NRDE2: variants seen among roughly 807,000 people sequenced by gnomAD.
NRDE2 encodes the protein NRDE-2, necessary for RNA interference, domain containing.
NRDE2 carries 76 observed loss-of-function variants against 124.2 expected under a neutral mutation model. That is an observed-to-expected ratio of 0.61 (90% CI 0.51 to 0.74). NRDE2 has a LOEUF of 0.74. Among genes scored for constraint, NRDE2 ranks in the 30% least tolerant of loss-of-function variants. The probability of loss-of-function intolerance (pLI) is 0.00; values close to 1 mark genes in which losing one functional copy is unlikely to be tolerated. For synonymous variants in NRDE2, 489 were observed against 528.1 expected, an observed-to-expected ratio of 0.93 and a Z score of 1.01; for missense variants, 1,314 against 1,417.3, an observed-to-expected ratio of 0.93 and a Z score of 1.17.
At position 90,271,077 on chromosome 14, in the gene NRDE2, T is replaced by TG. The variant is rs1164894795; in HGVS notation, c.*7258_*7259insC. 6.7e-6 allele frequency: 1 copy of TG among 149,392 alleles called. No individual in the cohort carries two copies. 9.3% of individuals were successfully genotyped at this position (149,392 alleles called of 1,614,324 possible). ...ATCTTAAAATTTTAAGATAAGAACT[T>TG]ACTTTGACAATTTTCAAGCCTTCAA... On this transcript the variant is annotated 3_prime_UTR_variant, in exon 14 of 14. Coordinates refer to ENST00000354366, the MANE Select transcript of NRDE2 (RefSeq NM_017970.4).
intron 12 of NRDE2, among the ~76,000 whole-genome samples, chr14:90,285,805 T>G (rs2139670716): frequency 6.6e-6 from 1 of 152,122 alleles, no homozygotes; most frequent in East Asian, 1.9e-4. Context: ...AGCTAATGTT[T>G]TAATTTTTTT....
intron 1 of NRDE2, among the ~76,000 whole-genome samples, chr14:90,321,513 C>T (rs959479131): frequency 5.9e-5 from 8 of 136,152 alleles, no homozygotes; most frequent in African/African-American, 2.2e-4. Context: ...GGAGTTCAAA[C>T]GAGCCTGGGC....
chr14:90,278,319 C>G lies in NRDE2; in HGVS notation c.*17G>C. The G allele has an allele frequency of 6.2e-7, 1 of 1,613,980 alleles. No homozygotes were observed. The highest frequency in any genetic ancestry group is 8.5e-7 in the Non-Finnish European group (1 of 1,179,942). ...GCAACTTGGCCTCGCAGGCACAGCC[C>G]GTTTTCCCGCTGCTCTCTAATCCTC... is the stretch of plus-strand genomic sequence containing the variant. On this transcript the variant is annotated 3_prime_UTR_variant, in exon 14 of 14. Coordinates refer to ENST00000354366, the MANE Select transcript of NRDE2 (RefSeq NM_017970.4).
At chr14:90,296,739 C>G (rs1884173242) in intron 8 of NRDE2, among the ~76,000 whole-genome samples, 1 of 152,142 alleles carries the variant, frequency 6.6e-6, no homozygotes, top group Admixed American at 6.5e-5. Flanking sequence ...GCAGATCTCT[C>G]TCTATGCTGG....
At chr14:90,306,892 T>C (rs1355429712) in intron 4 of NRDE2, among the ~76,000 whole-genome samples, 1 of 152,214 alleles carries the variant, frequency 6.6e-6, no homozygotes, top group Non-Finnish European at 1.5e-5. Context: ...AAAAGCTAGT[T>C]TTGTTCTCCT....
At chr14:90,322,786 G>A (rs1182404316) in intron 1 of NRDE2, among the ~76,000 whole-genome samples, 1 of 152,160 alleles carries the variant, frequency 6.6e-6, no homozygotes, top group Admixed American at 6.5e-5. Context: ...ACAGAATTCT[G>A]GAGAGAGTTA....
At chr14:90,306,692 C>T (rs570954099) in intron 4 of NRDE2, among the ~76,000 whole-genome samples, 2 of 152,060 alleles carry the variant, frequency 1.3e-5, no homozygotes, top group Non-Finnish European at 2.9e-5. Context: ...CGACTGTAAT[C>T]CCAGCTACTT....
In NRDE2 at chr14:90,319,609, T is replaced by C. The variant is rs143697980; in HGVS notation, c.65-1496A>G. 3.3e-5 allele frequency among the ~76,000 whole-genome samples: 5 copies of C among 152,328 alleles called. No homozygotes were observed. In the East Asian group the frequency reaches 7.7e-4, roughly 23 times the overall value. ...AAGCTCATATAATATACGTGGTCTTTTGTAACTTACCACAATGTTTTCAAG... is the reference window on the plus strand; with the variant it reads ...AAGCTCATATAATATACGTGGTCTTCTGTAACTTACCACAATGTTTTCAAG... On this transcript the variant is annotated intron_variant, in intron 1 of 13. Coordinates refer to ENST00000354366, the MANE Select transcript of NRDE2 (RefSeq NM_017970.4).
chr14:90,295,733 T>C (rs1884121120), intron 8 of NRDE2, among the ~76,000 whole-genome samples: 1 of 152,222 alleles, frequency 6.6e-6, no homozygotes, highest in Non-Finnish European at 1.5e-5. Context: ...TAAGAGAAGT[T>C]AAAAATAAAA....
intron 9 of NRDE2, 24 bp from the exon 10 acceptor site, chr14:90,290,631 G>C: frequency 1.3e-6 from 2 of 1,575,740 alleles, no homozygotes; most frequent in Non-Finnish European, 1.7e-6. Context: ...AAAATAAAGC[G>C]ACCCATGTAA....
intron 6 of NRDE2, among the ~76,000 whole-genome samples, chr14:90,302,180 G>A (rs568923994): frequency 6.6e-6 from 1 of 152,284 alleles, no homozygotes; most frequent in East Asian, 1.9e-4. Context: ...GAGAGCCAGT[G>A]AAGGGCAAAC....
In NRDE2 at chr14:90,288,667, A is replaced by C; in HGVS notation, c.2708T>G (p.Leu903Arg). The stretch of plus-strand genomic sequence containing the variant: ...CATGAAGCATTTAGCCAGGCTAATT[A>C]GGCGGCTACAGGAATCGGTGGGAGC... The part of the protein sequence containing the change: ...NPAPTDSCSR[L>R]ISLAKCFMLF... Residue 903 changes from leucine (L) to arginine (R), a missense_variant, in exon 11 of 14, where the codon CTA becomes CGA. Leu to Arg is a moderately radical substitution (Grantham distance 102). Coordinates refer to ENST00000354366, the MANE Select transcript of NRDE2 (RefSeq NM_017970.4). The C allele has an allele frequency of 6.2e-7, 1 of 1,614,188 alleles. No individual in the cohort carries two copies. Among genetic ancestry groups the C allele is most frequent in the Non-Finnish European group, 8.5e-7 (1 of 1,180,034 alleles).
rs768706611 is a variant in NRDE2, at chr14:90,331,913, G to A, written c.-9C>T. 3 of 1,614,078 alleles carry A rather than the reference G, an allele frequency of 1.9e-6. No individual in the cohort carries two copies. The highest frequency in any genetic ancestry group is 1.6e-4 in the Middle Eastern group (1 of 6,062). On this transcript the variant is annotated 5_prime_UTR_variant, in exon 1 of 14. Transcript: ENST00000354366. ...GCTGGGAACAGCGCCATGACCACAGGCCGTACCTCCGTTCTTCTCTATAGG... is the reference window on the plus strand; with the variant it reads ...GCTGGGAACAGCGCCATGACCACAGACCGTACCTCCGTTCTTCTCTATAGG...
At chr14:90,330,033 C>T (rs1035152640) in intron 1 of NRDE2, among the ~76,000 whole-genome samples, 114 of 150,782 alleles carry the variant, frequency 7.6e-4, no homozygotes, top group African/African-American at 2.7e-3. Flanking sequence ...ACAGTGAAAC[C>T]CCATCTCTAC....
Position 90,270,707 on chromosome 14 carries a change from G to A in NRDE2, c.*7629C>T, listed in dbSNP as rs1046602097. ...ACTCTCCCCAGAGCCGCAGAGTGGG[G>A]ACCAAGCACCCGCTGCATTCATCTC... On this transcript the variant is annotated 3_prime_UTR_variant, in exon 14 of 14. Coordinates refer to ENST00000354366, the MANE Select transcript of NRDE2 (RefSeq NM_017970.4). 2 of 180,706 alleles carry A rather than the reference G, an allele frequency of 1.1e-5. No homozygotes were observed. The highest frequency in any genetic ancestry group is 4.7e-5 in the African/African-American group (2 of 42,648). 11.2% of individuals were successfully genotyped at this position (180,706 alleles called of 1,614,324 possible).
At chr14:90,313,024 GTGCCTAGATACTTAT>G (rs1884902115) in intron 3 of NRDE2, among the ~76,000 whole-genome samples, 1 of 151,698 alleles carries the variant, frequency 6.6e-6, no homozygotes, top group African/African-American at 2.4e-5. Context: ...TTACTTGAAA[GTGCCTAGATACTTAT>G]TCCAACTCAA....
Position 90,292,739 on chromosome 14 carries a change from G to A in NRDE2, c.1800C>T (p.Thr600=), listed in dbSNP as rs1461834716. ...RHWRPWRPDK[T]KKQTEEDCED... is the part of the protein sequence containing the mutation. ...CACAGTCTTCCTCGGTTTGCTTCTTGGTCTTATCAGGGCGCCAGGGCCGCC... is the reference window on the plus strand; with the variant it reads ...CACAGTCTTCCTCGGTTTGCTTCTTAGTCTTATCAGGGCGCCAGGGCCGCC... Residue 600 remains threonine (T), a synonymous_variant, in exon 9 of 14, where the codon ACC becomes ACT. Transcript: ENST00000354366. 6.2e-7 allele frequency: 1 copy of A among 1,614,198 alleles called. No individual in the cohort carries two copies. Among genetic ancestry groups the A allele is most frequent in the South Asian group, 1.1e-5 (1 of 91,086 alleles).
chr14:90,312,147 T>C (rs1016402223), intron 4 of NRDE2, among the ~76,000 whole-genome samples: 2 of 152,240 alleles, frequency 1.3e-5, no homozygotes, highest in African/African-American at 2.4e-5. Context: ...CTAATACTTA[T>C]TGAACGCCTA....
In NRDE2 at chr14:90,274,625, T is replaced by C. The variant is rs919470113; in HGVS notation, c.*3711A>G. On this transcript the variant is annotated 3_prime_UTR_variant, in exon 14 of 14. Coordinates refer to ENST00000354366, the MANE Select transcript of NRDE2 (RefSeq NM_017970.4). ...GGACAGGATGAACCCAAAGTCTGTT[T>C]TGCCAGAAAGCAAGGGAGTGCTCAA... is the stretch of plus-strand genomic sequence containing the variant. 1.3e-5 allele frequency: 2 copies of C among 152,158 alleles called. No homozygotes were observed. Among genetic ancestry groups the C allele is most frequent in the African/African-American group, 4.8e-5 (2 of 41,384 alleles). The allele number at this position is 152,158 out of a possible 1,614,324, so 9.4% of individuals were successfully genotyped here. A position where few individuals can be genotyped will look rare whatever the true frequency, so the allele number is the denominator to read the frequency against.
Sources: gnomAD v4.1 joint callset for allele counts (sites outside exome capture counted in the v4.1 genomes callset) on GRCh38, gnomAD v4.1.1 for gene constraint, MANE v1.5 for transcripts, NCBI Gene and HGNC (gene_info 2026-07-23, HGNC 2026-07-21) for gene names.